LMNTD1: variants seen among roughly 807,000 people sequenced by gnomAD.
LMNTD1 encodes lamin tail domain-containing protein 1.
A neutral mutation model predicts 50.9 loss-of-function variants in LMNTD1; 35 were observed. The ratio of observed to expected loss-of-function variants is 0.69; its 90% CI spans 0.53 to 0.91. The LOEUF is 0.91. Ranked by LOEUF, LMNTD1 falls within the 40% of genes least tolerant of loss-of-function variation. The probability of loss-of-function intolerance (pLI) is 0.00; values close to 1 mark genes in which losing one functional copy is unlikely to be tolerated. For missense variants in LMNTD1, 470 were observed against 475.5 expected (o/e 0.99, Z 0.11); for synonymous variants, 153 against 161.9 (o/e 0.94, Z 0.42).
intron 1 of LMNTD1, chr12:25,586,023 T>C (rs1449257612): frequency 6.6e-6 from 1 of 152,144 alleles, no homozygotes; most frequent in Non-Finnish European, 1.5e-5. Context: ...CTGTCTTGAG[T>C]AGAAGGAAAA....
chr12:25,509,737 GA>G (rs1940111861), intron 8 of LMNTD1, among the ~76,000 whole-genome samples: 1 of 152,144 alleles, frequency 6.6e-6, no homozygotes, highest in Non-Finnish European at 1.5e-5. Context: ...TTCTTATAAA[GA>G]AGAGAGAAAT....
intron 4 of LMNTD1, among the ~76,000 whole-genome samples, chr12:25,542,197 T>C (rs1428533231): frequency 1.3e-5 from 2 of 152,104 alleles, no homozygotes; most frequent in Non-Finnish European, 2.9e-5. Flanking sequence ...AGAAATACCA[T>C]TTGACCCAGC....
intron 6 of LMNTD1, among the ~76,000 whole-genome samples, chr12:25,523,553 C>T (rs774075458): frequency 2.0e-5 from 3 of 151,970 alleles, no homozygotes; most frequent in Non-Finnish European, 4.4e-5. Context: ...ACTTTGAGTT[C>T]GTGTTTCAGC....
intron 7 of LMNTD1, among the ~76,000 whole-genome samples, chr12:25,519,413 C>T (rs279006): frequency 0.72 from 106,676 of 148,842 alleles, 39,820 homozygotes; most frequent in East Asian, 0.87. Flanking sequence ...GGTGAAACCC[C>T]GTCTCTACTA....
intron 1 of LMNTD1, among the ~76,000 whole-genome samples, chr12:25,593,414 C>A (rs1945759209): frequency 6.6e-6 from 1 of 152,148 alleles, no homozygotes; most frequent in African/African-American, 2.4e-5. Flanking sequence ...CAGTACCAGC[C>A]TGGAGCCTTG....
At chr12:25,620,264 G>T (rs1191907558) in intron 1 of LMNTD1, among the ~76,000 whole-genome samples, 1 of 152,026 alleles carries the variant, frequency 6.6e-6, no homozygotes, top group Admixed American at 6.6e-5. Context: ...ACAAAAAAAG[G>T]CCTTTTTTAA....
chr12:25,633,600 A>T (rs1339306075), intron 1 of LMNTD1, among the ~76,000 whole-genome samples: 1 of 152,178 alleles, frequency 6.6e-6, no homozygotes, highest in African/African-American at 2.4e-5. Context: ...TGAAATCAAG[A>T]TGTAAATCTA....
intron 2 of LMNTD1, among the ~76,000 whole-genome samples, chr12:25,550,268 T>C (rs977009098): frequency 3.9e-5 from 6 of 152,242 alleles, no homozygotes; most frequent in Non-Finnish European, 7.3e-5. Flanking sequence ...ACAAGGTTCA[T>C]AAGCTTCAGT....
At chr12:25,535,408 A>G (rs1323302144) in intron 4 of LMNTD1, among the ~76,000 whole-genome samples, 1 of 87,698 alleles carries the variant, frequency 1.1e-5, no homozygotes, top group East Asian at 3.8e-4. Context: ...TTGAAGAAAT[A>G]ATGGTAAAAA....
At chr12:25,518,742 T>C in intron 8 of LMNTD1, 53 bp downstream of exon 8, 2 of 1,479,124 alleles carry the variant, frequency 1.4e-6, no homozygotes, top group African/African-American at 1.4e-5. Context: ...AGTTAACACA[T>C]GTGCATGCAC....
chr12:25,479,290 T>A (rs760147381), intron 9 of LMNTD1, among the ~76,000 whole-genome samples: 3 of 152,154 alleles, frequency 2.0e-5, no homozygotes, highest in Non-Finnish European at 4.4e-5. Flanking sequence ...GGAATAGGAA[T>A]CAAAAATTTT....
At position 25,581,451 on chromosome 12, in the gene LMNTD1, T is replaced by TAGG. The variant is rs370383829; in HGVS notation, c.59-34900_59-34898dup. Among the ~76,000 whole-genome samples the TAGG allele has an allele frequency of 2.8e-4, 42 of 152,272 alleles. No homozygotes were observed. In the East Asian group the frequency reaches 8.1e-3, roughly 29 times the overall value. On this transcript the variant is annotated intron_variant, in intron 1 of 7. Transcript: ENST00000445693. ...TCTGACTCTTTGAACCTATTAGGAT[T>TAGG]AGGAAAGGCGATTCTAAGACAAGAA... is the stretch of plus-strand genomic sequence containing the variant.
At chr12:25,640,522 A>G (rs1018924852) in intron 1 of LMNTD1, among the ~76,000 whole-genome samples, 4 of 151,802 alleles carry the variant, frequency 2.6e-5, no homozygotes, top group Admixed American at 1.3e-4. Flanking sequence ...AAAAAAATCT[A>G]AAATTATATT....
chr12:25,490,742 T>C (rs537316935), intron 9 of LMNTD1, among the ~76,000 whole-genome samples: 3 of 152,332 alleles, frequency 2.0e-5, no homozygotes, highest in South Asian at 2.1e-4. Context: ...CAAGAATCTA[T>C]AAAGATACTG....
chr12:25,628,928 G>A (rs1228741498), intron 1 of LMNTD1, among the ~76,000 whole-genome samples: 13 of 152,098 alleles, frequency 8.5e-5, no homozygotes, highest in Admixed American at 8.5e-4. Flanking sequence ...AGCCATAGGA[G>A]GCTAATTCAT....
At chr12:25,616,479 A>G (rs1946356360) in intron 1 of LMNTD1, among the ~76,000 whole-genome samples, 1 of 152,218 alleles carries the variant, frequency 6.6e-6, no homozygotes. Flanking sequence ...CATTCTTGAA[A>G]TGACAAAATT....
chr12:25,608,350 G>T (rs1096010), intron 1 of LMNTD1, among the ~76,000 whole-genome samples: 144,658 of 152,282 alleles, frequency 0.95, 69,172 homozygotes, highest in East Asian at 1. Context: ...TTAATATTGT[G>T]ATCTGTGAAT....
chr12:25,584,440 A>G (rs537037106), intron 1 of LMNTD1, among the ~76,000 whole-genome samples: 3 of 152,280 alleles, frequency 2.0e-5, no homozygotes, highest in East Asian at 3.9e-4. Flanking sequence ...TTGGTCAGCA[A>G]AAGTCCTATA....
intron 1 of LMNTD1, among the ~76,000 whole-genome samples, chr12:25,586,353 T>G (rs1394451359): frequency 6.6e-6 from 1 of 152,096 alleles, no homozygotes; most frequent in African/African-American, 2.4e-5. Flanking sequence ...AGGTCCTGCT[T>G]CCCTTTCCAT....
Sources: allele counts gnomAD v4.1 joint callset (sites outside exome capture counted in the v4.1 genomes callset), GRCh38; gene constraint gnomAD v4.1.1; transcripts MANE v1.5; gene names NCBI Gene and HGNC (gene_info 2026-07-23, HGNC 2026-07-21).